FBLN2: variants seen among roughly 807,000 people sequenced by gnomAD.
The protein encoded by FBLN2 is fibulin 2, also known as fibulin-2.
Under a neutral mutation model 123.7 loss-of-function variants are expected in FBLN2, and 81 were observed. The observed-to-expected ratio is 0.65, with a 90% CI of 0.55 to 0.79. The LOEUF (loss-of-function observed/expected upper bound fraction) is 0.79. Ranked by LOEUF, FBLN2 falls within the 30% of genes least tolerant of loss-of-function variation. The probability of loss-of-function intolerance (pLI) is 0.00; values close to 1 mark genes in which losing one functional copy is unlikely to be tolerated. For synonymous variants in FBLN2, 699 were observed against 701.4 expected, an observed-to-expected ratio of 1.00 and a Z score of 0.05; for missense variants, 1,603 against 1,681.3, an observed-to-expected ratio of 0.95 and a Z score of 0.81.
chr3:13,569,566 G>A (rs538926304), intron 1 of FBLN2, among the ~76,000 whole-genome samples: 5 of 152,110 alleles, frequency 3.3e-5, no homozygotes, highest in South Asian at 4.1e-4. Context: ...GAGTTGGTGG[G>A]GTGTTAGGGA....
At chr3:13,573,625 C>T (rs1189823196) in intron 2 of FBLN2, among the ~76,000 whole-genome samples, 6 of 152,262 alleles carry the variant, frequency 3.9e-5, no homozygotes, top group South Asian at 4.1e-4. Context: ...GAGGGTGGGC[C>T]GGGCGTGGTG....
intron 9 of FBLN2, among the ~76,000 whole-genome samples, chr3:13,624,545 A>C (rs1188064060): frequency 6.6e-6 from 1 of 151,900 alleles, no homozygotes; most frequent in East Asian, 1.9e-4. Flanking sequence ...TGGCCTGGAC[A>C]CTGTTTGGTT....
chr3:13,626,454 A>G lies in FBLN2; in HGVS notation c.2306A>G (p.Glu769Gly). The G allele has an allele frequency of 6.3e-7, 1 of 1,582,514 alleles. No homozygotes were observed. The highest frequency in any genetic ancestry group is 8.6e-7 in the Non-Finnish European group (1 of 1,163,098). The change falls in exon 10 of 18, where the codon GAG becomes GGG. Residue 769 changes from glutamate (E) to glycine (G), a missense_variant. Transcript: ENST00000404922. ...NAHRKCVDIN[E>G]CVTDLHTCSR... Reference sequence around the variant, plus strand: ...CTCGCTCTCCCTGCAGACATCAACGAGTGTGTGACGGACCTGCACACGTGC... The same window carrying G: ...CTCGCTCTCCCTGCAGACATCAACGGGTGTGTGACGGACCTGCACACGTGC...
chr3:13,598,331 C>T (rs1704913975), intron 2 of FBLN2, among the ~76,000 whole-genome samples: 1 of 152,192 alleles, frequency 6.6e-6, no homozygotes, highest in African/African-American at 2.4e-5. Flanking sequence ...ATTTTACAAG[C>T]AAGGAAATGG....
intron 2 of FBLN2, among the ~76,000 whole-genome samples, chr3:13,584,851 G>A (rs532516643): frequency 2.6e-5 from 4 of 152,354 alleles, no homozygotes; most frequent in South Asian, 2.1e-4. Flanking sequence ...ATGCTCACAC[G>A]GGAGGAGTTA....
chr3:13,576,724 C>CT (rs1704157222), intron 2 of FBLN2, among the ~76,000 whole-genome samples: 2 of 151,784 alleles, frequency 1.3e-5, no homozygotes, highest in South Asian at 4.2e-4. Context: ...GGGGGATCCC[C>CT]CCCCCCCGGG....
At chr3:13,579,543 T>C (rs1295490254) in intron 2 of FBLN2, among the ~76,000 whole-genome samples, 1 of 152,234 alleles carries the variant, frequency 6.6e-6, no homozygotes. Context: ...AGCACTAACA[T>C]AGGACGCACA....
At chr3:13,625,778 C>A (rs1706015301) in intron 9 of FBLN2, among the ~76,000 whole-genome samples, 1 of 150,046 alleles carries the variant, frequency 6.7e-6, no homozygotes, top group African/African-American at 2.5e-5. Context: ...TGCCAGGGAT[C>A]CTTGCTCCAA....
intron 2 of FBLN2, among the ~76,000 whole-genome samples, chr3:13,574,822 A>G (rs1306495163): frequency 1.3e-5 from 2 of 151,764 alleles, no homozygotes; most frequent in Non-Finnish European, 2.9e-5. Flanking sequence ...TCCAAACCCC[A>G]CTTCCCCCAA....
chr3:13,558,177 A>T (rs900533415), intron 1 of FBLN2, among the ~76,000 whole-genome samples: 7 of 152,286 alleles, frequency 4.6e-5, no homozygotes, highest in African/African-American at 1.7e-4. Context: ...TGTGGTGGCC[A>T]AGGGAGCCTG....
intron 7 of FBLN2, 109 bp from the exon 8 acceptor site, chr3:13,619,621 G>T (rs1705775532): frequency 7.3e-6 from 6 of 827,500 alleles, no homozygotes; most frequent in Non-Finnish European, 9.7e-6. Context: ...CCTTCTAGGG[G>T]CCTTGTTTCT....
chr3:13,630,613 G>A lies in FBLN2; in HGVS notation c.2969-86G>A, dbSNP rs991736149. The stretch of plus-strand genomic sequence containing the variant: ...ACCCCAGTCCAGGCCGGGGAGCTTG[G>A]TGGGCCTGGCTGTCAGACAGCATTT... On this transcript the variant is annotated intron_variant, in intron 14 of 17. Transcript: ENST00000404922. The A allele has an allele frequency of 9.7e-6, 11 of 1,129,382 alleles. No individual in the cohort carries two copies. The African/African-American group carries it at 1.2e-4, about 13-fold the overall frequency. 70.0% of individuals were successfully genotyped at this position (1,129,382 alleles called of 1,614,324 possible).
chr3:13,549,167 C>G lies in FBLN2; in HGVS notation c.-83C>G, dbSNP rs1703255389. On this transcript the variant is annotated 5_prime_UTR_variant, in exon 1 of 18. Transcript: ENST00000404922. ...GCCCGGGCTCTCGACGCGCCGACGGCCGGGCGGACGGACGGACGGACGCCG... is the reference window on the plus strand; with the variant it reads ...GCCCGGGCTCTCGACGCGCCGACGGGCGGGCGGACGGACGGACGGACGCCG... The G allele has an allele frequency of 1.0e-6, 1 of 982,972 alleles. No individual in the cohort carries two copies. The highest frequency in any genetic ancestry group is 6.2e-5 in the Admixed American group (1 of 16,060). 60.9% of individuals were successfully genotyped at this position (982,972 alleles called of 1,614,324 possible).
intron 2 of FBLN2, among the ~76,000 whole-genome samples, chr3:13,601,801 GTTAT>G (rs1163644993): frequency 6.6e-6 from 1 of 152,168 alleles, no homozygotes; most frequent in African/African-American, 2.4e-5. Context: ...CTGTGAGAGG[GTTAT>G]TTATTTGTTT....
intron 2 of FBLN2, among the ~76,000 whole-genome samples, chr3:13,585,863 G>T (rs1704479959): frequency 1.3e-5 from 2 of 152,222 alleles, no homozygotes; most frequent in Admixed American, 1.3e-4. Context: ...ACTTGATAAT[G>T]AATGTCTGTG....
chr3:13,611,763 T>A (rs1027382199), intron 4 of FBLN2, among the ~76,000 whole-genome samples: 2 of 152,210 alleles, frequency 1.3e-5, no homozygotes, highest in Admixed American at 1.3e-4. Flanking sequence ...AAGAGCTCCC[T>A]TTTTTGAGGG....
Position 13,572,624 on chromosome 3 carries a change from G to A in FBLN2, c.1306+963G>A, listed in dbSNP as rs529236450. 1.2e-4 allele frequency among the ~76,000 whole-genome samples: 18 copies of A among 152,364 alleles called. No individual in the cohort carries two copies. The South Asian group carries it at 3.1e-3, about 26-fold the overall frequency. Reference sequence around the variant, plus strand: ...CAAGGCTGTGCAGAGGCTGGTAGGCGGCCCAGGCCTCTTCTTGCCCATCCA... The same window carrying A: ...CAAGGCTGTGCAGAGGCTGGTAGGCAGCCCAGGCCTCTTCTTGCCCATCCA... On this transcript the variant is annotated intron_variant, in intron 2 of 17. Transcript: ENST00000404922.
At chr3:13,617,496 A>T (rs1705662949) in intron 5 of FBLN2, among the ~76,000 whole-genome samples, 2 of 149,024 alleles carry the variant, frequency 1.3e-5, no homozygotes, top group African/African-American at 5.0e-5. Context: ...CCGTCTACCC[A>T]TGTATCCATC....
intron 1 of FBLN2, among the ~76,000 whole-genome samples, chr3:13,552,670 C>A (rs907969109): frequency 6.6e-6 from 1 of 152,012 alleles, no homozygotes; most frequent in African/African-American, 2.4e-5. Context: ...GTGGTGGGAG[C>A]AGTGGGTTTG....
Sources: gnomAD v4.1 joint callset for allele counts (sites outside exome capture counted in the v4.1 genomes callset) on GRCh38, gnomAD v4.1.1 for gene constraint, MANE v1.5 for transcripts, NCBI Gene and HGNC (gene_info 2026-07-23, HGNC 2026-07-21) for gene names.